Variants in BARD1 observed in about 807,000 individuals in gnomAD.
BARD1 encodes BRCA1 associated RING domain 1.
In BARD1, 73 loss-of-function variants were observed where a neutral mutation model predicts 77.0. The observed-to-expected ratio is 0.95, with a 90% confidence interval of 0.79 to 1.15. The LOEUF (loss-of-function observed/expected upper bound fraction) is 1.15. BARD1 is among the 50% of genes most tolerant of loss of function. The pLI is 0.00. For missense variants in BARD1, 993 were observed against 938.8 expected, an observed-to-expected ratio of 1.06 and a Z score of -0.75; for synonymous variants, 384 against 338.0, an observed-to-expected ratio of 1.14 and a Z score of -1.49.
At chr2:214,742,041 T>C (rs1692859473) in intron 9 of BARD1, among the ~76,000 whole-genome samples, 1 of 152,190 alleles carries the variant, frequency 6.6e-6, no homozygotes, top group Non-Finnish European at 1.5e-5. Context: ...CCATGAAAAG[T>C]TAATATGAAA....
chr2:214,742,974 T>G (rs1052937898), intron 9 of BARD1, among the ~76,000 whole-genome samples: 1 of 152,174 alleles, frequency 6.6e-6, no homozygotes, highest in Non-Finnish European at 1.5e-5. Context: ...TGAGGCTCAA[T>G]AAGACTTTCA....
rs771410310 is a variant in BARD1, at chr2:214,769,275, C to G, written c.1352G>C (p.Gly451Ala). Residue 451 changes from glycine to alanine, a missense_variant, in exon 5 of 11, where the codon GGA becomes GCA. Coordinates refer to ENST00000260947, the MANE Select transcript of BARD1 (RefSeq NM_000465.4). ...ATGGTCTTTAACATTTGGATCACTTCCATTTTGTAAAAGGTATTCAACAGA... is the reference window on the plus strand; with the variant it reads ...ATGGTCTTTAACATTTGGATCACTTGCATTTTGTAAAAGGTATTCAACAGA... ...IPSVEYLLQN[G>A]SDPNVKDHAG... 1 of 1,613,754 alleles carries G rather than the reference C, an allele frequency of 6.2e-7. No homozygotes were observed. The highest frequency in any genetic ancestry group is 8.5e-7 in the Non-Finnish European group (1 of 1,179,730).
intron 1 of BARD1, among the ~76,000 whole-genome samples, chr2:214,805,731 A>T (rs867735457): frequency 6.6e-6 from 1 of 152,158 alleles, no homozygotes; most frequent in Non-Finnish European, 1.5e-5. Flanking sequence ...GAGAGAATAC[A>T]AAATTAAGCT....
chr2:214,742,735 A>C (rs1692902504), intron 9 of BARD1, among the ~76,000 whole-genome samples: 7 of 152,228 alleles, frequency 4.6e-5, no homozygotes, highest in Admixed American at 4.6e-4. Flanking sequence ...TAAATCATGT[A>C]GCCTGTATAT....
chr2:214,796,679 G>T, intron 2 of BARD1: 1 of 210,630 alleles, frequency 4.7e-6, no homozygotes, highest in Non-Finnish European at 9.6e-6. Context: ...TTGGTTCTTT[G>T]TTATGGCAGC....
chr2:214,781,653 CTT>C (rs1402793442), intron 3 of BARD1, 144 bp from the exon 4 acceptor site: 4 of 664,100 alleles, frequency 6.0e-6, no homozygotes, highest in African/African-American at 3.6e-5. Context: ...AGTGTGAACT[CTT>C]TGATAGCAGA....
chr2:214,785,490 T>G (rs1227932018), intron 3 of BARD1, among the ~76,000 whole-genome samples: 1 of 152,104 alleles, frequency 6.6e-6, no homozygotes, highest in Non-Finnish European at 1.5e-5. Context: ...TACTAGTGAA[T>G]AAATTATTTG....
chr2:214,790,765 C>T (rs1050284157), intron 3 of BARD1, among the ~76,000 whole-genome samples: 1 of 152,136 alleles, frequency 6.6e-6, no homozygotes, highest in Non-Finnish European at 1.5e-5. Context: ...AGACCACACA[C>T]TCCTAAGAAT....
chr2:214,797,166 A>G (rs1695798815), intron 1 of BARD1, 49 bp from the exon 2 acceptor site: 1 of 1,372,906 alleles, frequency 7.3e-7, no homozygotes, highest in African/African-American at 1.4e-5. Context: ...TGTTAGATAA[A>G]CATCTCACAC....
intron 6 of BARD1, among the ~76,000 whole-genome samples, chr2:214,766,928 T>A (rs11897384): frequency 0.37 from 56,188 of 151,684 alleles, 10,473 homozygotes; most frequent in Middle Eastern, 0.43. Context: ...ACCCAGGTAT[T>A]GAGCCTAGTA....
At chr2:214,763,774 T>C (rs4673895) in intron 6 of BARD1, among the ~76,000 whole-genome samples, 63,868 of 151,890 alleles carry the variant, frequency 0.42, 13,484 homozygotes, top group South Asian at 0.5. Flanking sequence ...ATGTTAATGG[T>C]TTATAAGGAG....
chr2:214,786,648 A>T (rs905789243), intron 3 of BARD1, among the ~76,000 whole-genome samples: 4 of 152,122 alleles, frequency 2.6e-5, no homozygotes, highest in Non-Finnish European at 5.9e-5. Context: ...AAGAGTAAAG[A>T]TTTTCTACTC....
chr2:214,792,013 T>C (rs964930666), intron 3 of BARD1, among the ~76,000 whole-genome samples: 1 of 151,978 alleles, frequency 6.6e-6, no homozygotes, highest in African/African-American at 2.4e-5. Flanking sequence ...ATGGTTCCCG[T>C]CATTTCTCAA....
In BARD1 at chr2:214,809,213, C is replaced by T. The variant is rs13021937; in HGVS notation, c.158+199G>A. The stretch of plus-strand genomic sequence containing the variant: ...AGTTGGATTCAGGGCAAGGGGAGGC[C>T]GGTAAGTCGCCCAAAAATAAAGTGA... On this transcript the variant is annotated intron_variant, in intron 1 of 10. Coordinates refer to ENST00000260947, the MANE Select transcript of BARD1 (RefSeq NM_000465.4). Among the ~76,000 whole-genome samples, 112,195 of 152,126 alleles carry T rather than the reference C, an allele frequency of 0.74. 41,444 individuals carry two copies. Among genetic ancestry groups the T allele is most frequent in the East Asian group, 0.81 (4,162 of 5,170 alleles).
At chr2:214,743,941 A>G (rs1049576769) in intron 9 of BARD1, among the ~76,000 whole-genome samples, 3 of 152,166 alleles carry the variant, frequency 2.0e-5, no homozygotes, top group African/African-American at 4.8e-5. Context: ...ACTAACATCA[A>G]GATACGCAAC....
chr2:214,772,401 C>T (rs1273210560), intron 4 of BARD1, among the ~76,000 whole-genome samples: 2 of 151,948 alleles, frequency 1.3e-5, no homozygotes, highest in African/African-American at 4.8e-5. Flanking sequence ...AGTACTCACA[C>T]ACAAAAACCT....
intron 7 of BARD1, among the ~76,000 whole-genome samples, chr2:214,747,755 T>C (rs1163527148): frequency 6.7e-5 from 10 of 149,578 alleles, no homozygotes; most frequent in African/African-American, 2.5e-4. Context: ...TACCTAATGC[T>C]AAATGACGAG....
At chr2:214,772,350 A>G (rs983611599) in intron 4 of BARD1, among the ~76,000 whole-genome samples, 14 of 152,184 alleles carry the variant, frequency 9.2e-5, no homozygotes, top group African/African-American at 3.1e-4. Flanking sequence ...GTGAGCAGAT[A>G]AACTGCCAGA....
At chr2:214,796,934 A>G in intron 2 of BARD1, 127 bp downstream of exon 2, 4 of 799,814 alleles carry the variant, frequency 5.0e-6, no homozygotes, top group Non-Finnish European at 8.9e-6. Context: ...GATAATGTAC[A>G]ATAGGTTACT....
Sources: allele counts gnomAD v4.1 joint callset (sites outside exome capture counted in the v4.1 genomes callset), GRCh38; gene constraint gnomAD v4.1.1; transcripts MANE v1.5; gene names NCBI Gene and HGNC (gene_info 2026-07-23, HGNC 2026-07-21).